Variants in RHOQ observed in about 807,000 individuals in gnomAD.
The protein encoded by RHOQ is rho-related GTP-binding protein RhoQ.
Under a neutral mutation model 25.8 loss-of-function variants are expected in RHOQ, and 7 were observed. That is an observed-to-expected ratio of 0.27 (90% CI 0.15 to 0.51). The LOEUF is 0.51. Among genes scored for constraint, RHOQ ranks in the 20% least tolerant of loss-of-function variants. The probability of loss-of-function intolerance (pLI) is 0.97; values close to 1 mark genes in which losing one functional copy is unlikely to be tolerated. For synonymous variants in RHOQ, 97 were observed against 98.6 expected, an observed-to-expected ratio of 0.98 and a Z score of 0.10; for missense variants, 165 against 260.6, an observed-to-expected ratio of 0.63 and a Z score of 2.53.
intron 2 of RHOQ, among the ~76,000 whole-genome samples, chr2:46,563,775 AC>A (rs747662230): frequency 6.6e-6 from 1 of 151,900 alleles, no homozygotes; most frequent in South Asian, 2.1e-4. Flanking sequence ...GCAAGATCAT[AC>A]CTTTGCACAC....
chr2:46,561,898 G>A (rs1378891507), intron 2 of RHOQ, among the ~76,000 whole-genome samples: 1 of 152,154 alleles, frequency 6.6e-6, no homozygotes, highest in Non-Finnish European at 1.5e-5. Flanking sequence ...CCAGTGAGAG[G>A]CCACCCTGGA....
In RHOQ at chr2:46,543,815, G is replaced by C; in HGVS notation, c.201+3G>C. 6.2e-7 allele frequency: 1 copy of C among 1,612,946 alleles called. No homozygotes were observed. The highest frequency in any genetic ancestry group is 8.5e-7 in the Non-Finnish European group (1 of 1,179,396). On this transcript the variant is annotated splice_donor_region_variant and intron_variant, in intron 2 of 4. Coordinates refer to ENST00000238738, the MANE Select transcript of RHOQ (RefSeq NM_012249.4). ...GACTCTATGACACGGCCGGACAGGT[G>C]AGTGTCTTGGCCTCTGGCCGACGCC...
intron 2 of RHOQ, among the ~76,000 whole-genome samples, chr2:46,558,897 C>T (rs1336281505): frequency 6.6e-6 from 1 of 152,092 alleles, no homozygotes; most frequent in East Asian, 1.9e-4. Flanking sequence ...TTTTAAAGTG[C>T]CTTTTCCTGT....
chr2:46,544,432 G>A (rs1272551252), intron 2 of RHOQ, among the ~76,000 whole-genome samples: 2 of 152,220 alleles, frequency 1.3e-5, no homozygotes, highest in African/African-American at 4.8e-5. Context: ...TCTTGGAGGA[G>A]GAGGGGTTCC....
chr2:46,579,700 T>A (rs957475646), intron 4 of RHOQ, among the ~76,000 whole-genome samples: 5 of 151,886 alleles, frequency 3.3e-5, no homozygotes, highest in African/African-American at 9.7e-5. Flanking sequence ...AATACAAAAT[T>A]AGCTGGGTGT....
At position 46,581,172 on chromosome 2, in the gene RHOQ, T is replaced by G. The variant is rs553695421; in HGVS notation, c.*89T>G. On this transcript the variant is annotated 3_prime_UTR_variant, in exon 5 of 5. Transcript: ENST00000238738. ...CTATACCCAGACCTTTTATAGGTAA[T>G]GAAGCAGTTCAAAACTTGAAAGAAA... is the stretch of plus-strand genomic sequence containing the variant. 2 of 1,118,780 alleles carry G rather than the reference T, an allele frequency of 1.8e-6. No individual in the cohort carries two copies. The highest frequency in any genetic ancestry group is 1.6e-5 in the African/African-American group (1 of 63,552). 69.3% of individuals were successfully genotyped at this position (1,118,780 alleles called of 1,614,324 possible).
chr2:46,554,855 T>C (rs1030789287), intron 2 of RHOQ, among the ~76,000 whole-genome samples: 1 of 151,880 alleles, frequency 6.6e-6, no homozygotes, highest in Admixed American at 6.6e-5. Context: ...GGCATAATGG[T>C]TGGGATTATA....
intron 2 of RHOQ, among the ~76,000 whole-genome samples, chr2:46,553,194 C>T (rs1668294309): frequency 6.6e-6 from 1 of 152,198 alleles, no homozygotes; most frequent in African/African-American, 2.4e-5. Context: ...AATGACTGTG[C>T]ACTTCTGTAC....
intron 2 of RHOQ, among the ~76,000 whole-genome samples, chr2:46,545,968 G>A (rs1168822790): frequency 6.6e-6 from 1 of 152,170 alleles, no homozygotes; most frequent in Non-Finnish European, 1.5e-5. Context: ...AAATACTACT[G>A]TTTTCACCCA....
intron 2 of RHOQ, among the ~76,000 whole-genome samples, chr2:46,558,505 GA>G (rs1472734327): frequency 3.3e-5 from 5 of 152,184 alleles, no homozygotes; most frequent in Admixed American, 3.3e-4. Flanking sequence ...AAGTTGTTTA[GA>G]AGTCCCCTGC....
rs1466780102 is a variant in RHOQ at position 46,582,892 on chromosome 2, G to A, written c.*1809G>A. 6.6e-6 allele frequency: 1 copy of A among 152,306 alleles called. No individual in the cohort carries two copies. Among genetic ancestry groups the A allele is most frequent in the Admixed American group, 6.6e-5 (1 of 15,258 alleles). The allele number at this position is 152,306 out of a possible 1,614,324, so 9.4% of individuals were successfully genotyped here. ...TGGCCAGGAACTTTCTCTCTGAATC[G>A]GACATTTGGATGTCTTCTTTCTTCC... On this transcript the variant is annotated 3_prime_UTR_variant, in exon 5 of 5. Transcript: ENST00000238738.
intron 4 of RHOQ, among the ~76,000 whole-genome samples, chr2:46,579,844 A>G (rs1318826943): frequency 2.6e-5 from 2 of 76,364 alleles, no homozygotes; most frequent in Admixed American, 3.7e-4. Context: ...AAACTGTCTC[A>G]AAAAAAAAAA....
chr2:46,570,813 T>C (rs1024013668), intron 2 of RHOQ, among the ~76,000 whole-genome samples: 1 of 152,226 alleles, frequency 6.6e-6, no homozygotes. Context: ...CTGCTTTAGA[T>C]TTGGGAAGGC....
intron 2 of RHOQ, among the ~76,000 whole-genome samples, chr2:46,557,245 C>T (rs1221689646): frequency 6.6e-6 from 1 of 152,084 alleles, no homozygotes; most frequent in African/African-American, 2.4e-5. Context: ...TCAGTGTACC[C>T]AGAGATTTAC....
chr2:46,543,398 G>C (rs1667904950), intron 1 of RHOQ: 1 of 586,592 alleles, frequency 1.7e-6, no homozygotes, highest in Admixed American at 3.2e-5. Context: ...CGCCCCCTAC[G>C]CGGCTCCTGC....
chr2:46,545,187 C>G (rs1572732214), intron 2 of RHOQ, among the ~76,000 whole-genome samples: 1 of 152,148 alleles, frequency 6.6e-6, no homozygotes, highest in African/African-American at 2.4e-5. Context: ...GCCCTGTAGT[C>G]GTTATTCCTT....
intron 2 of RHOQ, among the ~76,000 whole-genome samples, chr2:46,558,206 T>C (rs1668462625): frequency 6.6e-6 from 1 of 152,218 alleles, no homozygotes; most frequent in African/African-American, 2.4e-5. Context: ...ACAGCTGTTA[T>C]CCTGGGATTT....
At chr2:46,559,141 T>G (rs1469419121) in intron 2 of RHOQ, among the ~76,000 whole-genome samples, 2 of 151,900 alleles carry the variant, frequency 1.3e-5, no homozygotes, top group Non-Finnish European at 1.5e-5. Context: ...GTTTGTTTCT[T>G]TGGTTTCTTT....
At chr2:46,560,104 C>T (rs1406349460) in intron 2 of RHOQ, among the ~76,000 whole-genome samples, 3 of 152,192 alleles carry the variant, frequency 2.0e-5, no homozygotes, top group Non-Finnish European at 4.4e-5. Context: ...CGCGTTCAGT[C>T]CAGCTGCAGA....
Sources: allele counts gnomAD v4.1 joint callset (sites outside exome capture counted in the v4.1 genomes callset), GRCh38; gene constraint gnomAD v4.1.1; transcripts MANE v1.5; gene names NCBI Gene and HGNC (gene_info 2026-07-23, HGNC 2026-07-21).